The following FBXL2 variants were observed in gnomAD, a reference collection of about 807,000 sequenced individuals.
The protein encoded by FBXL2 is F-box and leucine rich repeat protein 2, also known as F-box/LRR-repeat protein 2.
In FBXL2, 38 loss-of-function variants were observed where a neutral mutation model predicts 69.2. That is an observed-to-expected ratio of 0.55 (90% CI 0.42 to 0.72). The LOEUF (loss-of-function observed/expected upper bound fraction) is 0.72. Ranked by LOEUF, FBXL2 falls within the 30% of genes least tolerant of loss-of-function variation. The pLI is 0.00. For missense variants in FBXL2, 354 were observed against 520.3 expected, an observed-to-expected ratio of 0.68 and a Z score of 3.11; for synonymous variants, 192 against 201.3, an observed-to-expected ratio of 0.95 and a Z score of 0.39.
At chr3:33,310,096 T>G (rs2037057834) in intron 2 of FBXL2, among the ~76,000 whole-genome samples, 1 of 152,190 alleles carries the variant, frequency 6.6e-6, no homozygotes, top group Non-Finnish European at 1.5e-5. Context: ...TTTTTAAACA[T>G]TGTGTATCAC....
At chr3:33,299,227 A>G (rs761356144) in intron 2 of FBXL2, among the ~76,000 whole-genome samples, 6 of 151,934 alleles carry the variant, frequency 3.9e-5, no homozygotes, top group Non-Finnish European at 8.8e-5. Context: ...TTTTTAGTAG[A>G]GACGGGGTTT....
At position 33,367,361 on chromosome 3, in the gene FBXL2, C is replaced by T. The variant is rs542791805; in HGVS notation, c.290+2642C>T. Among the ~76,000 whole-genome samples, 154 of 152,286 alleles carry T rather than the reference C, an allele frequency of 1.0e-3. 1 individual carries two copies. The highest frequency in any genetic ancestry group is 5.6e-4 in the Non-Finnish European group (38 of 68,024). ...CCTCCCAAAGTGCTGGGATTATAAG[C>T]GTGAGCCACCGCACCCGGCCTCAAT... On this transcript the variant is annotated intron_variant, in intron 5 of 14. Transcript: ENST00000484457.
intron 2 of FBXL2, among the ~76,000 whole-genome samples, chr3:33,317,791 G>A (rs1237688833): frequency 6.6e-6 from 1 of 152,120 alleles, no homozygotes; most frequent in South Asian, 2.1e-4. Context: ...GACTGTACAT[G>A]TTGAAAATCC....
rs769671290 is a variant in FBXL2, at chr3:33,386,316, T to G, written c.*708T>G. The G allele has an allele frequency of 6.5e-6, 1 of 152,774 alleles. No individual in the cohort carries two copies. Among genetic ancestry groups the G allele is most frequent in the Non-Finnish European group, 1.5e-5 (1 of 68,306 alleles). 9.5% of individuals were successfully genotyped at this position (152,774 alleles called of 1,614,324 possible). On this transcript the variant is annotated 3_prime_UTR_variant, in exon 15 of 15. Coordinates refer to ENST00000484457, the MANE Select transcript of FBXL2 (RefSeq NM_012157.5). ...TGTTGCCTGATTGGAAAGTAGAAGCTCTGGTGTATGCTACAGCACATAACA... is the reference window on the plus strand; with the variant it reads ...TGTTGCCTGATTGGAAAGTAGAAGCGCTGGTGTATGCTACAGCACATAACA...
intron 2 of FBXL2, among the ~76,000 whole-genome samples, chr3:33,311,926 T>C (rs940687421): frequency 5.3e-5 from 8 of 152,178 alleles, no homozygotes; most frequent in African/African-American, 1.9e-4. Context: ...TCCATCCTGT[T>C]TGGTTCTTTT....
intron 13 of FBXL2, among the ~76,000 whole-genome samples, chr3:33,380,985 T>C (rs780646047): frequency 1.3e-5 from 2 of 152,178 alleles, no homozygotes; most frequent in Admixed American, 1.3e-4. Flanking sequence ...CTCTGCAGAA[T>C]TGGCCCGAAC....
intron 2 of FBXL2, among the ~76,000 whole-genome samples, chr3:33,304,397 G>T (rs145748905): frequency 3.3e-5 from 5 of 151,726 alleles, no homozygotes; most frequent in Non-Finnish European, 7.4e-5. Context: ...TATTAACTTC[G>T]TAAAAAAAGT....
chr3:33,328,438 C>G (rs1442472730), intron 2 of FBXL2, among the ~76,000 whole-genome samples: 1 of 152,144 alleles, frequency 6.6e-6, no homozygotes, highest in African/African-American at 2.4e-5. Context: ...CACTACCTGA[C>G]TTCAAAATGT....
At chr3:33,397,045 C>A in intron 12 of FBXL2, 1 of 1,590,122 alleles carries the variant, frequency 6.3e-7, no homozygotes, top group Non-Finnish European at 8.5e-7. Context: ...AGTATTTTAC[C>A]TTGACTTCAG....
intron 12 of FBXL2, chr3:33,401,110 A>C: frequency 8.4e-7 from 1 of 1,194,020 alleles, no homozygotes; most frequent in Non-Finnish European, 1.2e-6. Context: ...TAACTATGCA[A>C]ATTTCAAGTA....
chr3:33,401,020 GGGAGAAA>G, intron 12 of FBXL2: 1 of 1,586,426 alleles, frequency 6.3e-7, no homozygotes, highest in Non-Finnish European at 8.5e-7. Flanking sequence ...AGAATTGCTG[GGGAGAAA>G]GGAGAAAGAA....
chr3:33,399,318 A>C (rs1340502555), intron 12 of FBXL2, among the ~76,000 whole-genome samples: 1 of 152,202 alleles, frequency 6.6e-6, no homozygotes, highest in African/African-American at 2.4e-5. Flanking sequence ...CTGTCCCTCT[A>C]AACAGGTTTC....
At chr3:33,284,376 C>T (rs1395731746) in intron 1 of FBXL2, among the ~76,000 whole-genome samples, 1 of 152,132 alleles carries the variant, frequency 6.6e-6, no homozygotes, top group East Asian at 1.9e-4. Flanking sequence ...TTTCTTAATC[C>T]TGAGTTCTAG....
At chr3:33,292,957 T>A (rs1359040980) in intron 1 of FBXL2, among the ~76,000 whole-genome samples, 1 of 152,208 alleles carries the variant, frequency 6.6e-6, no homozygotes, top group East Asian at 1.9e-4. Flanking sequence ...TATAAGCACA[T>A]ATGCACCAAA....
Position 33,364,588 on chromosome 3 carries a change from A to T in FBXL2, c.196-37A>T. 3.9e-6 allele frequency: 6 copies of T among 1,552,762 alleles called. 1 individual carries two copies. The Middle Eastern group carries it at 8.4e-4, about 217-fold the overall frequency. On this transcript the variant is annotated intron_variant, in intron 4 of 14. Transcript: ENST00000484457. ...TGCTGTTAGATAAGCAGCATGAAAA[A>T]ACAGTATTTTTTCCTCCCGAACTTT...
the FBXL2 span, among the ~76,000 whole-genome samples, chr3:33,418,769 G>A: frequency 2.0e-5 from 3 of 147,174 alleles, no homozygotes; most frequent in African/African-American, 7.6e-5. Flanking sequence ...TGAGGCAGAA[G>A]AATCGCTTGA....
intron 2 of FBXL2, among the ~76,000 whole-genome samples, chr3:33,306,257 A>T (rs1285938229): frequency 1.3e-5 from 2 of 150,204 alleles, no homozygotes; most frequent in African/African-American, 2.5e-5. Flanking sequence ...GTGTTTTTTT[A>T]AAAAGCTTTA....
the FBXL2 span, among the ~76,000 whole-genome samples, chr3:33,421,398 G>A: frequency 1.3e-5 from 2 of 151,990 alleles, no homozygotes; most frequent in Non-Finnish European, 2.9e-5. Context: ...TCAGCCTCCC[G>A]AGTAGCTGGG....
At chr3:33,421,202 C>T in the FBXL2 span, among the ~76,000 whole-genome samples, 1 of 151,800 alleles carries the variant, frequency 6.6e-6, no homozygotes, top group South Asian at 2.1e-4. Flanking sequence ...CATTTTGGGA[C>T]TACAGTTTTT....
Sources: gnomAD v4.1 joint callset for allele counts (sites outside exome capture counted in the v4.1 genomes callset) on GRCh38, gnomAD v4.1.1 for gene constraint, MANE v1.5 for transcripts, NCBI Gene and HGNC (gene_info 2026-07-23, HGNC 2026-07-21) for gene names.